The following NKAIN2 variants were observed in gnomAD, a reference collection of about 807,000 sequenced individuals.
NKAIN2 encodes the protein sodium/potassium transporting ATPase interacting 2, also known as sodium/potassium-transporting ATPase subunit beta-1-interacting protein 2.
In NKAIN2, 14 loss-of-function variants were observed where a neutral mutation model predicts 32.6. The ratio of observed to expected loss-of-function variants is 0.43; its 90% confidence interval spans 0.28 to 0.67. The LOEUF is 0.67. Ranked by LOEUF, NKAIN2 falls within the 30% of genes least tolerant of loss-of-function variation. NKAIN2 has a pLI of 0.17. For missense variants in NKAIN2, 198 were observed against 258.3 expected (o/e 0.77, Z 1.60); for synonymous variants, 80 against 87.2 (o/e 0.92, Z 0.46).
At chr6:124,408,761 G>T (rs1035808801) in intron 3 of NKAIN2, among the ~76,000 whole-genome samples, 1 of 152,190 alleles carries the variant, frequency 6.6e-6, no homozygotes, top group African/African-American at 2.4e-5. Context: ...AATGGGGATG[G>T]TATTGAATCT....
chr6:123,885,381 T>G (rs927922029), intron 1 of NKAIN2, among the ~76,000 whole-genome samples: 1 of 152,162 alleles, frequency 6.6e-6, no homozygotes, highest in African/African-American at 2.4e-5. Flanking sequence ...TGATAGCTCC[T>G]CTACAATAAC....
Position 124,497,027 on chromosome 6 carries a change from G to A in NKAIN2, c.273+141680G>A, listed in dbSNP as rs999061926. ...TGCCACCATCTCACTGCGGCCAGAA[G>A]CCCACTAACCACTCCGGGGTGCCCA... On this transcript the variant is annotated intron_variant, in intron 3 of 6. Coordinates refer to ENST00000368417, the MANE Select transcript of NKAIN2 (RefSeq NM_001040214.3). Among the ~76,000 whole-genome samples, 6 of 152,086 alleles carry A rather than the reference G, an allele frequency of 3.9e-5. No homozygotes were observed. The East Asian group carries it at 7.7e-4, about 20-fold the overall frequency.
At chr6:124,549,449 C>G (rs1780210100) in intron 3 of NKAIN2, among the ~76,000 whole-genome samples, 2 of 152,216 alleles carry the variant, frequency 1.3e-5, no homozygotes, top group South Asian at 4.2e-4. Flanking sequence ...AGAAATAGTA[C>G]AGAGTTCCCA....
intron 2 of NKAIN2, among the ~76,000 whole-genome samples, chr6:124,284,897 T>C (rs2114927067): frequency 7.0e-6 from 1 of 142,806 alleles, no homozygotes; most frequent in African/African-American, 3.0e-5. Context: ...TATCCTAAGA[T>C]GCTACAATGC....
At chr6:124,820,352 T>C (rs1299990780) in intron 6 of NKAIN2, among the ~76,000 whole-genome samples, 1 of 152,200 alleles carries the variant, frequency 6.6e-6, no homozygotes, top group East Asian at 1.9e-4. Flanking sequence ...TCTATTTAAT[T>C]TTACCAAGCC....
intron 1 of NKAIN2, among the ~76,000 whole-genome samples, chr6:124,072,365 C>T (rs1434245391): frequency 2.0e-5 from 3 of 152,014 alleles, no homozygotes; most frequent in Non-Finnish European, 4.4e-5. Flanking sequence ...GGTACTATTC[C>T]CACTACCTGC....
At position 123,899,628 on chromosome 6, in the gene NKAIN2, C is replaced by T. The variant is rs139687766; in HGVS notation, c.54+95374C>T. Among the ~76,000 whole-genome samples the T allele has an allele frequency of 2.8e-3, 427 of 152,302 alleles. 4 individuals are homozygous for T. Among genetic ancestry groups the T allele is most frequent in the Middle Eastern group, 0.014 (4 of 294 alleles). ...GAAAAACACTACCTACAGGTCAAAT[C>T]GATCTCAAGTTTAGTCTGTCTCATG... On this transcript the variant is annotated intron_variant, in intron 1 of 6. Coordinates refer to ENST00000368417, the MANE Select transcript of NKAIN2 (RefSeq NM_001040214.3).
intron 1 of NKAIN2, among the ~76,000 whole-genome samples, chr6:124,056,475 C>T (rs1268596905): frequency 2.0e-5 from 3 of 151,732 alleles, no homozygotes. Flanking sequence ...CATTTATATG[C>T]ATGAAAAATT....
chr6:124,243,362 G>A (rs958034621), intron 1 of NKAIN2, among the ~76,000 whole-genome samples: 1 of 152,002 alleles, frequency 6.6e-6, no homozygotes, highest in Admixed American at 6.6e-5. Context: ...GAGCATAGTA[G>A]CACATGCCTG....
intron 1 of NKAIN2, among the ~76,000 whole-genome samples, chr6:124,034,517 C>T (rs1781528690): frequency 6.6e-6 from 1 of 152,040 alleles, no homozygotes; most frequent in Non-Finnish European, 1.5e-5. Context: ...ATTCAGTCTA[C>T]CATTAATGGG....
At chr6:124,271,285 C>T (rs558527840) in intron 1 of NKAIN2, among the ~76,000 whole-genome samples, 4 of 152,208 alleles carry the variant, frequency 2.6e-5, no homozygotes, top group South Asian at 2.1e-4. Context: ...GGCACGATCT[C>T]GGCTCACTGC....
chr6:124,353,754 C>CAA (rs35531198), intron 2 of NKAIN2, among the ~76,000 whole-genome samples: 2 of 145,508 alleles, frequency 1.4e-5, no homozygotes, highest in Admixed American at 6.8e-5. Context: ...GACTCCGTCT[C>CAA]AAAAAAAAAA....
intron 1 of NKAIN2, among the ~76,000 whole-genome samples, chr6:123,902,906 A>G (rs1335261801): frequency 6.6e-6 from 1 of 152,244 alleles, no homozygotes; most frequent in Non-Finnish European, 1.5e-5. Context: ...GCAATTCACC[A>G]TGACTTAAAA....
At chr6:124,813,271 A>G (rs1780996304) in intron 5 of NKAIN2, among the ~76,000 whole-genome samples, 1 of 152,172 alleles carries the variant, frequency 6.6e-6, no homozygotes, top group Admixed American at 6.5e-5. Context: ...TATTGTTTAC[A>G]TCCAAATATT....
At chr6:124,497,018 C>G (rs542262527) in intron 3 of NKAIN2, among the ~76,000 whole-genome samples, 8 of 152,030 alleles carry the variant, frequency 5.3e-5, no homozygotes, top group Non-Finnish European at 1.5e-5. Flanking sequence ...CATCTCACTG[C>G]GGCCAGAAGC....
intron 3 of NKAIN2, among the ~76,000 whole-genome samples, chr6:124,584,654 A>AG (rs1289698331): frequency 3.4e-4 from 44 of 128,118 alleles, no homozygotes; most frequent in Admixed American, 6.4e-4. Context: ...ACTCCATCTC[A>AG]GAAAAAAAAA....
intron 1 of NKAIN2, among the ~76,000 whole-genome samples, chr6:124,089,624 C>T (rs1784336880): frequency 6.6e-6 from 1 of 151,928 alleles, no homozygotes; most frequent in Non-Finnish European, 1.5e-5. Flanking sequence ...AAGACTATTG[C>T]AGGCAAACTC....
At chr6:124,505,953 C>A (rs1305695690) in intron 3 of NKAIN2, among the ~76,000 whole-genome samples, 1 of 152,072 alleles carries the variant, frequency 6.6e-6, no homozygotes, top group Non-Finnish European at 1.5e-5. Context: ...GCAGGCAGAT[C>A]ACGAGGTCAA....
At chr6:124,670,175 T>A (rs980577180) in intron 4 of NKAIN2, among the ~76,000 whole-genome samples, 11 of 152,110 alleles carry the variant, frequency 7.2e-5, no homozygotes, top group Non-Finnish European at 1.5e-4. Context: ...TAGAAGCCAA[T>A]ATTTTTCCAA....
Sources: allele counts gnomAD v4.1 joint callset (sites outside exome capture counted in the v4.1 genomes callset), GRCh38; gene constraint gnomAD v4.1.1; transcripts MANE v1.5; gene names NCBI Gene and HGNC (gene_info 2026-07-23, HGNC 2026-07-21).